Variants in ULK4 observed in about 807,000 individuals in gnomAD.
ULK4 encodes inactive serine/threonine-protein kinase ULK4.
ULK4 carries 133 observed loss-of-function variants against 160.6 expected under a neutral mutation model. The ratio of observed to expected loss-of-function variants is 0.83; its 90% CI spans 0.72 to 0.96. ULK4 has a LOEUF of 0.96. Ranked by LOEUF, ULK4 falls within the 40% of genes least tolerant of loss-of-function variation. ULK4 has a pLI of 0.00. For synonymous variants in ULK4, 534 were observed against 539.8 expected, an observed-to-expected ratio of 0.99 and a Z score of 0.15; for missense variants, 1,580 against 1,499.5, an observed-to-expected ratio of 1.05 and a Z score of -0.89.
At chr3:41,449,340 C>T (rs1321900798) in intron 34 of ULK4, among the ~76,000 whole-genome samples, 1 of 152,088 alleles carries the variant, frequency 6.6e-6, no homozygotes, top group Admixed American at 6.5e-5. Flanking sequence ...GAACAGTTTT[C>T]AGGAGGTACT....
Position 41,411,515 on chromosome 3 carries a change from C to T in ULK4, c.3493-13251G>A, listed in dbSNP as rs180969362. 7.5e-3 allele frequency among the ~76,000 whole-genome samples: 1,141 copies of T among 151,860 alleles called. 15 individuals carry two copies. The highest frequency in any genetic ancestry group is 0.026 in the African/African-American group (1,063 of 41,372). ...CTATCTCAGCTCACTGCAACCTCTG[C>T]CTCCGGGGTTCAAGTGATTCTCCTG... On this transcript the variant is annotated intron_variant, in intron 34 of 36. Coordinates refer to ENST00000301831, the MANE Select transcript of ULK4 (RefSeq NM_017886.4).
chr3:41,884,364 T>C (rs892607513), intron 16 of ULK4, among the ~76,000 whole-genome samples: 8 of 152,234 alleles, frequency 5.3e-5, no homozygotes, highest in African/African-American at 1.9e-4. Context: ...TAGTAAATAA[T>C]ATCTGAACAG....
chr3:41,314,159 A>G (rs1189606050), intron 35 of ULK4, among the ~76,000 whole-genome samples: 1 of 152,232 alleles, frequency 6.6e-6, no homozygotes, highest in Non-Finnish European at 1.5e-5. Context: ...CAGATCTGTC[A>G]GCAAGATAAA....
At chr3:41,565,411 C>T (rs80241844) in intron 32 of ULK4, among the ~76,000 whole-genome samples, 2,362 of 152,252 alleles carry the variant, frequency 0.016, 67 homozygotes, top group African/African-American at 0.055. Flanking sequence ...CCTTAATTCC[C>T]ATTATAATGG....
intron 15 of ULK4, among the ~76,000 whole-genome samples, chr3:41,896,336 C>T (rs529057950): frequency 1.6e-4 from 24 of 152,074 alleles, no homozygotes; most frequent in Non-Finnish European, 3.1e-4. Flanking sequence ...CTCACTGCAA[C>T]CTCTGCCTCC....
intron 27 of ULK4, among the ~76,000 whole-genome samples, chr3:41,694,802 T>C (rs1253271878): frequency 6.6e-6 from 1 of 152,192 alleles, no homozygotes; most frequent in Non-Finnish European, 1.5e-5. Flanking sequence ...TATTATCATT[T>C]TTCATCTTTT....
intron 30 of ULK4, among the ~76,000 whole-genome samples, chr3:41,662,266 A>G (rs1559469453): frequency 6.6e-6 from 1 of 152,224 alleles, no homozygotes; most frequent in South Asian, 2.1e-4. Context: ...ATTGGCAAAG[A>G]TAAAAAGGGT....
At chr3:41,727,344 C>G (rs2037686947) in intron 22 of ULK4, among the ~76,000 whole-genome samples, 1 of 152,110 alleles carries the variant, frequency 6.6e-6, no homozygotes, top group South Asian at 2.1e-4. Flanking sequence ...GTAGATACAA[C>G]CTATGGAGTG....
chr3:41,840,022 C>T (rs1236160868), intron 17 of ULK4, among the ~76,000 whole-genome samples: 4 of 152,104 alleles, frequency 2.6e-5, no homozygotes, highest in African/African-American at 9.7e-5. Flanking sequence ...ATGGACAGAT[C>T]TAATCAAATT....
chr3:41,780,534 A>G (rs890482418), intron 21 of ULK4, among the ~76,000 whole-genome samples: 1 of 152,100 alleles, frequency 6.6e-6, no homozygotes, highest in Non-Finnish European at 1.5e-5. Context: ...GCTTGCCAGC[A>G]AGGCTACAAT....
intron 29 of ULK4, among the ~76,000 whole-genome samples, chr3:41,679,213 T>C (rs1019485067): frequency 1.3e-5 from 2 of 152,206 alleles, no homozygotes; most frequent in Non-Finnish European, 2.9e-5. Context: ...ATTAAAATAA[T>C]GAGCCTAACA....
intron 35 of ULK4, among the ~76,000 whole-genome samples, chr3:41,384,654 G>A (rs917913849): frequency 2.0e-5 from 3 of 151,998 alleles, no homozygotes; most frequent in African/African-American, 4.8e-5. Context: ...GCATGATCTC[G>A]GCTCACTGCA....
chr3:41,721,358 A>ATTT lies in ULK4; in HGVS notation c.2322-3498_2322-3497insAAA, dbSNP rs1412977001. 2.0e-3 allele frequency among the ~76,000 whole-genome samples: 123 copies of ATTT among 61,240 alleles called. 2 individuals carry two copies. Among genetic ancestry groups the ATTT allele is most frequent in the African/African-American group, 0.012 (120 of 10,418 alleles). The allele number at this position is 61,240 out of a possible 152,430, so 40.2% of individuals were successfully genotyped here. A position where few individuals can be genotyped will look rare whatever the true frequency, so the allele number is the denominator to read the frequency against. ...AATATATATATATATATATATATAT[A>ATTT]TATATTTTTTTTTTTTTTTTTTTGA... On this transcript the variant is annotated intron_variant, in intron 22 of 36. Coordinates refer to ENST00000301831, the MANE Select transcript of ULK4 (RefSeq NM_017886.4).
chr3:41,815,615 C>G lies in ULK4; in HGVS notation c.1848+3808G>C, dbSNP rs868861310. Among the ~76,000 whole-genome samples, 4 of 152,188 alleles carry G rather than the reference C, an allele frequency of 2.6e-5. 1 individual carries two copies. The highest frequency in any genetic ancestry group is 2.9e-5 in the Non-Finnish European group (2 of 68,036). On this transcript the variant is annotated intron_variant, in intron 19 of 36. Transcript: ENST00000301831. ...TCCCTCCTGCAACCTGCACTCCCAG[C>G]TGCAAATACGTCCTCAATGCCCTCC...
intron 30 of ULK4, among the ~76,000 whole-genome samples, chr3:41,629,942 A>G (rs1251173647): frequency 6.6e-6 from 1 of 152,212 alleles, no homozygotes; most frequent in Non-Finnish European, 1.5e-5. Flanking sequence ...AAGTTGCAGT[A>G]AGTCAGTAAG....
chr3:41,705,300 A>G lies in ULK4; in HGVS notation c.2640T>C (p.His880=). ...FLFSYGTILS[H]IKSVDSGETN... is the part of the protein sequence containing the mutation. ...TTTCTCCTGAGTCTACAGATTTAAT[A>G]TGACTCTGAAAAAAAATAAATTTTT... Residue 880 remains histidine (H), a synonymous_variant, in exon 26 of 37, where the codon CAT becomes CAC. Coordinates refer to ENST00000301831, the MANE Select transcript of ULK4 (RefSeq NM_017886.4). The G allele has an allele frequency of 6.2e-7, 1 of 1,608,516 alleles. No individual in the cohort carries two copies. The highest frequency in any genetic ancestry group is 8.5e-7 in the Non-Finnish European group (1 of 1,177,632).
chr3:41,536,499 A>C (rs1418950332), intron 32 of ULK4, among the ~76,000 whole-genome samples: 1 of 152,172 alleles, frequency 6.6e-6, no homozygotes, highest in East Asian at 1.9e-4. Flanking sequence ...CCAAAACTTA[A>C]CTACTAATAT....
intron 34 of ULK4, among the ~76,000 whole-genome samples, chr3:41,422,182 C>G (rs895607204): frequency 2.6e-5 from 4 of 152,004 alleles, no homozygotes; most frequent in African/African-American, 4.8e-5. Flanking sequence ...TTGTAAGATA[C>G]CTAGAAGGCA....
intron 5 of ULK4, among the ~76,000 whole-genome samples, chr3:41,926,135 G>A (rs187048128): frequency 2.6e-5 from 4 of 152,272 alleles, no homozygotes; most frequent in Admixed American, 6.5e-5. Context: ...CCTCCAGGAC[G>A]AAGCTTCCAG....
Sources: allele counts gnomAD v4.1 joint callset (sites outside exome capture counted in the v4.1 genomes callset), GRCh38; gene constraint gnomAD v4.1.1; transcripts MANE v1.5; gene names NCBI Gene and HGNC (gene_info 2026-07-23, HGNC 2026-07-21).